Variants in SLIT2 observed in about 807,000 individuals in gnomAD.
SLIT2 encodes slit homolog 2 protein.
A neutral mutation model predicts 185.7 loss-of-function variants in SLIT2; 41 were observed. That is an observed-to-expected ratio of 0.22 (90% CI 0.17 to 0.29). The LOEUF (loss-of-function observed/expected upper bound fraction) is 0.29, where lower values mean the gene tolerates loss of function less well. Ranked by LOEUF, SLIT2 falls within the 10% of genes least tolerant of loss-of-function variation. The pLI, the probability that SLIT2 is intolerant of heterozygous loss-of-function variation, is 1.00. For missense variants in SLIT2, 1,571 were observed against 1,909.0 expected (o/e 0.82, Z 3.30); for synonymous variants, 693 against 680.2 (o/e 1.02, Z -0.29).
At chr4:20,482,545 C>T (rs913535581) in intron 6 of SLIT2, among the ~76,000 whole-genome samples, 1 of 151,818 alleles carries the variant, frequency 6.6e-6, no homozygotes, top group East Asian at 1.9e-4. Context: ...ACATTTTGAT[C>T]GTCATGATTA....
chr4:20,440,478 G>A (rs1193784365), intron 4 of SLIT2, among the ~76,000 whole-genome samples: 1 of 152,110 alleles, frequency 6.6e-6, no homozygotes, highest in Non-Finnish European at 1.5e-5. Context: ...GACTGCTGCA[G>A]GTCTGTAAAT....
At chr4:20,372,069 T>G (rs1007296417) in intron 4 of SLIT2, among the ~76,000 whole-genome samples, 1 of 152,162 alleles carries the variant, frequency 6.6e-6, no homozygotes, top group African/African-American at 2.4e-5. Context: ...TCTCTTGTCT[T>G]TCTTATTCTT....
At chr4:20,490,113 A>C (rs898428012) in intron 8 of SLIT2, among the ~76,000 whole-genome samples, 18 of 152,152 alleles carry the variant, frequency 1.2e-4, no homozygotes, top group Admixed American at 1.3e-4. Flanking sequence ...CAATAAAATA[A>C]ATAAATAAAT....
At chr4:20,576,989 T>G (rs1726131793) in intron 29 of SLIT2, among the ~76,000 whole-genome samples, 1 of 152,044 alleles carries the variant, frequency 6.6e-6, no homozygotes, top group African/African-American at 2.4e-5. Context: ...TTTTTTTTTT[T>G]TCATTTAAAA....
intron 3 of SLIT2, among the ~76,000 whole-genome samples, chr4:20,258,507 A>G (rs554451780): frequency 9.3e-4 from 141 of 151,914 alleles, no homozygotes; most frequent in Non-Finnish European, 1.7e-3. Context: ...AATAATCTAA[A>G]CATTATGAAA....
chr4:20,506,980 G>A (rs1262436024), intron 9 of SLIT2, among the ~76,000 whole-genome samples: 2 of 151,872 alleles, frequency 1.3e-5, no homozygotes, highest in African/African-American at 4.8e-5. Flanking sequence ...ATAGATAAAT[G>A]AATAAAAGTA....
At chr4:20,610,194 T>A (rs774057274) in intron 34 of SLIT2, 27 bp downstream of exon 34, 52 of 1,597,480 alleles carry the variant, frequency 3.3e-5, no homozygotes, top group Non-Finnish European at 4.4e-5. Context: ...ATTCAGGTGG[T>A]CCTGAAACCC....
At chr4:20,414,167 C>G (rs935631986) in intron 4 of SLIT2, among the ~76,000 whole-genome samples, 1 of 152,092 alleles carries the variant, frequency 6.6e-6, no homozygotes, top group Non-Finnish European at 1.5e-5. Context: ...AGCTTCTGCT[C>G]TGCAGATTAC....
At chr4:20,291,475 TA>T (rs2109081504) in intron 4 of SLIT2, among the ~76,000 whole-genome samples, 4 of 9,328 alleles carry the variant, frequency 4.3e-4, no homozygotes, top group East Asian at 9.1e-3. Context: ...TATATATATA[TA>T]TATATATATA....
intron 4 of SLIT2, among the ~76,000 whole-genome samples, chr4:20,325,273 CA>C (rs2109180108): frequency 6.6e-6 from 1 of 151,770 alleles, no homozygotes; most frequent in East Asian, 2.0e-4. Context: ...TAAGAATACT[CA>C]GAAAAATGTT....
chr4:20,403,437 T>C (rs1294953496), intron 4 of SLIT2, among the ~76,000 whole-genome samples: 1 of 151,930 alleles, frequency 6.6e-6, no homozygotes, highest in Non-Finnish European at 1.5e-5. Flanking sequence ...TGCTGGATTG[T>C]TATTCTGTTA....
intron 5 of SLIT2, among the ~76,000 whole-genome samples, chr4:20,472,245 T>TAAC: frequency 1.9e-5 from 1 of 51,756 alleles, no homozygotes; most frequent in African/African-American, 7.7e-5. Flanking sequence ...GATCTATATA[T>TAAC]CTATATATAG....
chr4:20,394,776 A>C (rs1437221138), intron 4 of SLIT2: 1 of 152,138 alleles, frequency 6.6e-6, no homozygotes, highest in East Asian at 1.9e-4. Context: ...TATTCTTGAA[A>C]AGACATTTGT....
rs566815321 is a variant in SLIT2 at position 20,280,364 on chromosome 4, A to C, written c.395+11483A>C. ...AAAAAAAAAAAAAGAACAACAACAA[A>C]AAAAAACCAAAAAGCTTTCACTAGT... On this transcript the variant is annotated intron_variant, in intron 4 of 36. Coordinates refer to ENST00000504154, the MANE Select transcript of SLIT2 (RefSeq NM_004787.4). Among the ~76,000 whole-genome samples, 51 of 151,958 alleles carry C rather than the reference A, an allele frequency of 3.4e-4. 2 individuals carry two copies. In the East Asian group the frequency reaches 3.7e-3, roughly 11 times the overall value.
chr4:20,357,043 A>T (rs979771430), intron 4 of SLIT2, among the ~76,000 whole-genome samples: 2 of 152,216 alleles, frequency 1.3e-5, no homozygotes, highest in Non-Finnish European at 2.9e-5. Context: ...TTCTCTATTG[A>T]ATTTGATTTA....
intron 4 of SLIT2, among the ~76,000 whole-genome samples, chr4:20,431,845 G>A (rs1361414198): frequency 1.3e-5 from 2 of 152,182 alleles, no homozygotes; most frequent in African/African-American, 2.4e-5. Flanking sequence ...GCTCCTGGCC[G>A]GGGCCAGGGT....
intron 24 of SLIT2, among the ~76,000 whole-genome samples, chr4:20,550,123 C>T (rs1577907761): frequency 6.6e-6 from 1 of 152,078 alleles, no homozygotes; most frequent in Admixed American, 6.6e-5. Flanking sequence ...CTCTTGCAAA[C>T]ACTGAATATT....
intron 24 of SLIT2, among the ~76,000 whole-genome samples, chr4:20,550,588 T>C (rs2148890882): frequency 6.6e-6 from 1 of 152,192 alleles, no homozygotes; most frequent in South Asian, 2.1e-4. Flanking sequence ...TTATTTTCTT[T>C]TAATACATTT....
intron 29 of SLIT2, among the ~76,000 whole-genome samples, chr4:20,577,721 C>G (rs1293724022): frequency 1.3e-5 from 2 of 152,206 alleles, no homozygotes; most frequent in African/African-American, 2.4e-5. Context: ...TCATCAGTCT[C>G]TCTGCCACAC....
Sources: allele counts gnomAD v4.1 joint callset (sites outside exome capture counted in the v4.1 genomes callset), GRCh38; gene constraint gnomAD v4.1.1; transcripts MANE v1.5; gene names NCBI Gene and HGNC (gene_info 2026-07-23, HGNC 2026-07-21).